The following EEF1AKMT2 variants were observed in gnomAD, a reference collection of about 807,000 sequenced individuals.
EEF1AKMT2 encodes EEF1A lysine methyltransferase 2, also known as eukaryotic translation elongation factor 1 alpha lysine methyltransferase 2.
EEF1AKMT2 carries 32 observed loss-of-function variants against 35.8 expected under a neutral mutation model. The ratio of observed to expected loss-of-function variants is 0.89; its 90% CI spans 0.67 to 1.20. The LOEUF (loss-of-function observed/expected upper bound fraction) is 1.20, where lower values mean the gene tolerates loss of function less well. Among genes scored for constraint, EEF1AKMT2 ranks in the 50% most tolerant of loss-of-function variants. The pLI, the probability that EEF1AKMT2 is intolerant of heterozygous loss-of-function variation, is 0.00. For synonymous variants in EEF1AKMT2, 121 were observed against 133.7 expected, an observed-to-expected ratio of 0.91 and a Z score of 0.65; for missense variants, 330 against 347.5, an observed-to-expected ratio of 0.95 and a Z score of 0.40.
In EEF1AKMT2 at chr10:124,759,021, G is replaced by A. The variant is rs927243328; in HGVS notation, c.*1482C>T. ...TCCTCTGGCTACCCCTCCCCAAAAA[G>A]AAAAGGGACGTAATGTTAGACTTAC... On this transcript the variant is annotated 3_prime_UTR_variant, in exon 7 of 7. Transcript: ENST00000368836. 30 of 152,038 alleles carry A rather than the reference G, an allele frequency of 2.0e-4. No individual in the cohort carries two copies. Among genetic ancestry groups the A allele is most frequent in the African/African-American group, 7.0e-4 (29 of 41,394 alleles). 9.4% of individuals were successfully genotyped at this position (152,038 alleles called of 1,614,324 possible). A position where few individuals can be genotyped will look rare whatever the true frequency, so the allele number is the denominator to read the frequency against.
In EEF1AKMT2 at chr10:124,791,783, C is replaced by A; in HGVS notation, c.51G>T (p.Ser17=). The change falls in exon 1 of 7, where the codon TCG becomes TCT. Residue 17 remains serine, a synonymous_variant. Transcript: ENST00000368836. ...CGTCCTCCCCGGGACTGCCCTTGTCCGACCGCGCCGCCACCGCAGCGCCAC... is the reference window on the plus strand; with the variant it reads ...CGTCCTCCCCGGGACTGCCCTTGTCAGACCGCGCCGCCACCGCAGCGCCAC... ...GGGGAAVAAR[S]DKGSPGEDGF... 3 of 1,593,168 alleles carry A rather than the reference C, an allele frequency of 1.9e-6. No individual in the cohort carries two copies. The highest frequency in any genetic ancestry group is 1.7e-4 in the Middle Eastern group (1 of 5,990).
At chr10:124,783,009 T>C (rs1428429121) in intron 3 of EEF1AKMT2, 1 of 413,406 alleles carries the variant, frequency 2.4e-6, no homozygotes, top group East Asian at 7.1e-5. Context: ...ATAAGGTAAG[T>C]TAAAAGGATG....
intron 3 of EEF1AKMT2, among the ~76,000 whole-genome samples, chr10:124,781,325 T>C (rs1243981505): frequency 2.0e-5 from 3 of 151,744 alleles, no homozygotes; most frequent in African/African-American, 7.3e-5. Context: ...ACGCCTGTTA[T>C]CCCAGCACTT....
At chr10:124,756,592 T>A (rs1241183322), downstream of EEF1AKMT2, among the ~76,000 whole-genome samples, 1 of 152,238 alleles carries the variant, frequency 6.6e-6, no homozygotes, top group Non-Finnish European at 1.5e-5. Flanking sequence ...CAGTAAGTAC[T>A]GACTCAAGCT....
intron 3 of EEF1AKMT2, among the ~76,000 whole-genome samples, chr10:124,781,316 C>G (rs375699467): frequency 2.0e-5 from 3 of 151,890 alleles, no homozygotes; most frequent in African/African-American, 7.2e-5. Flanking sequence ...CGGTGGCTCA[C>G]GCCTGTTATC....
chr10:124,773,233 C>T (rs958851871), intron 4 of EEF1AKMT2, among the ~76,000 whole-genome samples: 3 of 151,950 alleles, frequency 2.0e-5, no homozygotes, highest in African/African-American at 7.3e-5. Context: ...GCAGTCTCCC[C>T]GTCACCCAGG....
In EEF1AKMT2 at chr10:124,765,627, T is replaced by A; in HGVS notation, c.400-19A>T. 3 of 1,583,914 alleles carry A rather than the reference T, an allele frequency of 1.9e-6. No homozygotes were observed. The highest frequency in any genetic ancestry group is 2.6e-6 in the Non-Finnish European group (3 of 1,158,534). On this transcript the variant is annotated intron_variant, in intron 4 of 6. Transcript: ENST00000368836. ...CTTCTACCTATATTAAAAGTCAATGTCTATGTGAGAACAATTAAAACAAAA... is the reference window on the plus strand; with the variant it reads ...CTTCTACCTATATTAAAAGTCAATGACTATGTGAGAACAATTAAAACAAAA...
downstream of EEF1AKMT2, among the ~76,000 whole-genome samples, chr10:124,757,113 T>C (rs1838541102): frequency 6.6e-6 from 1 of 151,608 alleles, no homozygotes; most frequent in Non-Finnish European, 1.5e-5. Flanking sequence ...GCAGCCTTCA[T>C]TCAGTGAAAT....
intron 3 of EEF1AKMT2, among the ~76,000 whole-genome samples, chr10:124,785,805 A>G (rs1950579132): frequency 1.3e-5 from 2 of 150,636 alleles, no homozygotes; most frequent in African/African-American, 2.4e-5. Flanking sequence ...CTGAGGCAGG[A>G]GAATCACTTG....
chr10:124,782,850 T>C, intron 3 of EEF1AKMT2: 1 of 222,148 alleles, frequency 4.5e-6, no homozygotes, highest in South Asian at 4.8e-5. Context: ...GGGAAAACAA[T>C]AAAATGTAGA....
chr10:124,784,470 G>A (rs1051790674), intron 3 of EEF1AKMT2, among the ~76,000 whole-genome samples: 1 of 152,030 alleles, frequency 6.6e-6, no homozygotes, highest in Admixed American at 6.6e-5. Flanking sequence ...CAAAATTTGT[G>A]GGATGCAGCA....
intron 4 of EEF1AKMT2, among the ~76,000 whole-genome samples, chr10:124,770,234 T>C (rs953539333): frequency 4.6e-5 from 7 of 152,012 alleles, no homozygotes; most frequent in African/African-American, 1.4e-4. Flanking sequence ...CTGGCCAATA[T>C]GGTGAAACCC....
At chr10:124,766,168 C>T (rs1950376682) in intron 4 of EEF1AKMT2, 1 of 152,382 alleles carries the variant, frequency 6.6e-6, no homozygotes, top group Non-Finnish European at 1.5e-5. Context: ...CTAAAATAAA[C>T]ACGGTAGATC....
At chr10:124,790,850 C>T (rs201186516) in intron 1 of EEF1AKMT2, among the ~76,000 whole-genome samples, 1 of 152,150 alleles carries the variant, frequency 6.6e-6, no homozygotes, top group Admixed American at 6.6e-5. Flanking sequence ...CTGCAACCTC[C>T]GCCTCCCGGG....
chr10:124,762,816 G>A (rs7898003), intron 5 of EEF1AKMT2, among the ~76,000 whole-genome samples: 83,352 of 151,914 alleles, frequency 0.55, 23,371 homozygotes, highest in South Asian at 0.65. Flanking sequence ...CTGGATACAT[G>A]CATAGTTATA....
intron 4 of EEF1AKMT2, among the ~76,000 whole-genome samples, chr10:124,771,742 A>G (rs927566992): frequency 5.9e-5 from 9 of 151,730 alleles, no homozygotes; most frequent in Non-Finnish European, 7.4e-5. Context: ...GGTGGCAGGC[A>G]CCTGTAGTCC....
chr10:124,768,673 T>G (rs1323768252), intron 4 of EEF1AKMT2, among the ~76,000 whole-genome samples: 1 of 151,472 alleles, frequency 6.6e-6, no homozygotes, highest in Non-Finnish European at 1.5e-5. Flanking sequence ...TTGCTTGAAC[T>G]CAGGAGGCCG....
chr10:124,778,772 T>C (rs563242953), intron 3 of EEF1AKMT2, among the ~76,000 whole-genome samples: 3 of 135,042 alleles, frequency 2.2e-5, no homozygotes, highest in Non-Finnish European at 4.8e-5. Context: ...ATCCAGGGAG[T>C]AGGGATGTGG....
Position 124,791,803 on chromosome 10 carries a change from C to G in EEF1AKMT2, c.31G>C (p.Ala11Pro). 2 of 1,587,414 alleles carry G rather than the reference C, an allele frequency of 1.3e-6. No homozygotes were observed. The highest frequency in any genetic ancestry group is 8.5e-7 in the Non-Finnish European group (1 of 1,172,366). Reference protein sequence around the residue: MSSGADGGGGAAVAARSDKGS... With the variant: MSSGADGGGGPAVAARSDKGS... ...TTGTCCGACCGCGCCGCCACCGCAG[C>G]GCCACCGCCGCCGTCAGCGCCCGAG... Residue 11 changes from alanine (A) to proline (P), a missense_variant, in exon 1 of 7, where the codon GCT (alanine) becomes CCT (proline). Ala to Pro is a conservative substitution (Grantham distance 27). Coordinates refer to ENST00000368836, the MANE Select transcript of EEF1AKMT2 (RefSeq NM_212554.4).
Sources: allele counts gnomAD v4.1 joint callset (sites outside exome capture counted in the v4.1 genomes callset), GRCh38; gene constraint gnomAD v4.1.1; transcripts MANE v1.5; gene names NCBI Gene and HGNC (gene_info 2026-07-23, HGNC 2026-07-21).